PGM2: variants seen among roughly 807,000 people sequenced by gnomAD.
The protein encoded by PGM2 is phosphopentomutase.
PGM2 carries 57 observed loss-of-function variants against 74.6 expected under a neutral mutation model. That is an observed-to-expected ratio of 0.76 (90% CI 0.62 to 0.95). PGM2 has a LOEUF of 0.95. PGM2 is among the 40% of genes least tolerant of loss of function. PGM2 has a pLI of 0.00. For synonymous variants in PGM2, 273 were observed against 260.7 expected, an observed-to-expected ratio of 1.05 and a Z score of -0.46; for missense variants, 706 against 741.9, an observed-to-expected ratio of 0.95 and a Z score of 0.56.
chr4:37,857,377 G>A (rs1711560843), intron 13 of PGM2, among the ~76,000 whole-genome samples: 1 of 152,064 alleles, frequency 6.6e-6, no homozygotes, highest in East Asian at 1.9e-4. Context: ...AAATTCCTGA[G>A]CATCTTAAAT....
Position 37,826,690 on chromosome 4 carries a change from C to T in PGM2, c.-43C>T. On this transcript the variant is annotated 5_prime_UTR_variant, in exon 1 of 14. Coordinates refer to ENST00000381967, the MANE Select transcript of PGM2 (RefSeq NM_018290.4). ...CTTGGGGCCGGGCCGGAAGGCAGAT[C>T]TCACCGCCTGCTTCCCTCTGCAGCG... 6.8e-7 allele frequency: 1 copy of T among 1,474,352 alleles called. No homozygotes were observed. Among genetic ancestry groups the T allele is most frequent in the Non-Finnish European group, 9.3e-7 (1 of 1,077,714 alleles). The allele number at this position is 1,474,352 out of a possible 1,614,324, so 91.3% of individuals were successfully genotyped here.
chr4:37,850,112 T>C, intron 11 of PGM2, 72 bp from the exon 12 acceptor site: 1 of 828,406 alleles, frequency 1.2e-6, no homozygotes, highest in Non-Finnish European at 1.9e-6. Context: ...ATACACTGGT[T>C]GGTACATGTT....
At chr4:37,861,188 C>A (rs1711759008) in intron 13 of PGM2, among the ~76,000 whole-genome samples, 1 of 152,096 alleles carries the variant, frequency 6.6e-6, no homozygotes, top group South Asian at 2.1e-4. Context: ...CCCTTAGGTA[C>A]AAATATTACA....
At chr4:37,861,247 A>G (rs1294920421) in intron 13 of PGM2, among the ~76,000 whole-genome samples, 1 of 152,204 alleles carries the variant, frequency 6.6e-6, no homozygotes, top group Non-Finnish European at 1.5e-5. Flanking sequence ...ACAAAGTCTT[A>G]TGAGAAGAGC....
intron 4 of PGM2, chr4:37,839,493 T>C (rs1389029115): frequency 2.1e-6 from 1 of 465,262 alleles, no homozygotes; most frequent in Admixed American, 2.4e-5. Context: ...GGGAGTAAAC[T>C]GAATCCACAA....
intron 12 of PGM2, among the ~76,000 whole-genome samples, chr4:37,850,889 C>G (rs4832739): frequency 0.81 from 122,806 of 151,178 alleles, 50,150 homozygotes; most frequent in African/African-American, 0.9. Context: ...TACTCAGGAG[C>G]GTGAAGCAGG....
rs766805340 is a variant in PGM2 at position 37,850,386 on chromosome 4, T to C, written c.1602+13T>C. 37 of 1,445,488 alleles carry C rather than the reference T, an allele frequency of 2.6e-5. No homozygotes were observed. The African/African-American group carries it at 4.9e-4, about 19-fold the overall frequency. The allele number at this position is 1,445,488 out of a possible 1,614,324, so 89.5% of individuals were successfully genotyped here. A position where few individuals can be genotyped will look rare whatever the true frequency, so the allele number is the denominator to read the frequency against. On this transcript the variant is annotated intron_variant, in intron 12 of 13. Transcript: ENST00000381967. ...TGATAAAAAAGCTGTAAGTAATGTC[T>C]TCTCTTTTCAACTAACCTCTTTTCT... is the stretch of plus-strand genomic sequence containing the variant.
At chr4:37,844,640 A>C in intron 7 of PGM2, 87 bp downstream of exon 7, 1 of 868,662 alleles carries the variant, frequency 1.2e-6, no homozygotes, top group Non-Finnish European at 1.8e-6. Flanking sequence ...ATGTGTTTTC[A>C]TTGTGCTGAA....
rs34512739 is a variant in PGM2, at chr4:37,841,158, TTGTGTGTGTG to T, written c.719+920_719+929del. On this transcript the variant is annotated intron_variant, in intron 6 of 13. Coordinates refer to ENST00000381967, the MANE Select transcript of PGM2 (RefSeq NM_018290.4). ...ACTTCAAAACCATAAATAGGAATAT[TTGTGTGTGTG>T]TGTGTGTGTGTGTGTGTGTGGTTTG... 2.1e-4 allele frequency among the ~76,000 whole-genome samples: 21 copies of T among 101,476 alleles called. 1 individual carries two copies. The highest frequency in any genetic ancestry group is 3.5e-4 in the Non-Finnish European group (19 of 55,018). 66.6% of individuals were successfully genotyped at this position (101,476 alleles called of 152,430 possible). A position where few individuals can be genotyped will look rare whatever the true frequency, so the allele number is the denominator to read the frequency against.
intron 10 of PGM2, among the ~76,000 whole-genome samples, chr4:37,847,655 CTAA>C (rs906111784): frequency 1.9e-4 from 29 of 152,274 alleles, no homozygotes; most frequent in African/African-American, 6.5e-4. Context: ...TCCAAAAGTG[CTAA>C]TGAGGATCTA....
intron 6 of PGM2, among the ~76,000 whole-genome samples, chr4:37,842,252 T>A (rs1363038174): frequency 1.3e-5 from 2 of 150,704 alleles, no homozygotes; most frequent in African/African-American, 2.4e-5. Context: ...TGGAATTTTC[T>A]ATTGAAACTG....
intron 3 of PGM2, 125 bp from the exon 4 acceptor site, chr4:37,837,404 T>TG: frequency 1.4e-6 from 1 of 729,738 alleles, no homozygotes; most frequent in Non-Finnish European, 2.5e-6. Flanking sequence ...TTATAATAAA[T>TG]GCTGTCCTTG....
chr4:37,850,702 T>C (rs1726017103), intron 12 of PGM2, among the ~76,000 whole-genome samples: 1 of 151,298 alleles, frequency 6.6e-6, no homozygotes, highest in East Asian at 1.9e-4. Flanking sequence ...TGAAAGAGAC[T>C]CTACTAGGCT....
rs2303409 is a variant in PGM2 at position 37,845,318 on chromosome 4, A to C, written c.910-315A>C. ...TTGTTTTATTTGTGAGGCTGATCAC[A>C]CAGCAATGCCCCGAAATACCAGTCC... On this transcript the variant is annotated intron_variant, in intron 7 of 13. Coordinates refer to ENST00000381967, the MANE Select transcript of PGM2 (RefSeq NM_018290.4). Among the ~76,000 whole-genome samples the C allele has an allele frequency of 2.7e-3, 415 of 152,320 alleles. 10 individuals are homozygous for C. The East Asian group carries it at 0.047, about 17-fold the overall frequency.
At chr4:37,844,975 CAA>C (rs35469320) in intron 7 of PGM2, among the ~76,000 whole-genome samples, 161 of 94,300 alleles carry the variant, frequency 1.7e-3, no homozygotes, top group African/African-American at 4.2e-3. Context: ...GACTTTGTCT[CAA>C]AAAAAAAAAA....
chr4:37,847,166 T>C (rs1308008422), intron 9 of PGM2, 36 bp from the exon 10 acceptor site: 1 of 1,594,994 alleles, frequency 6.3e-7, no homozygotes, highest in Non-Finnish European at 8.6e-7. Context: ...GTAGAAGATC[T>C]AAGGCATGTC....
In PGM2 at chr4:37,841,719, C is replaced by T. The variant is rs547671221; in HGVS notation, c.719+1460C>T. 3.0e-4 allele frequency among the ~76,000 whole-genome samples: 46 copies of T among 152,246 alleles called. 1 individual carries two copies. The South Asian group carries it at 9.1e-3, about 30-fold the overall frequency. On this transcript the variant is annotated intron_variant, in intron 6 of 13. Transcript: ENST00000381967. ...AGACAAAATACGTCTGTGAACTTTCCCTCTGCCCCTCTGATTTAACTTCAC... is the reference window on the plus strand; with the variant it reads ...AGACAAAATACGTCTGTGAACTTTCTCTCTGCCCCTCTGATTTAACTTCAC...
Position 37,862,513 on chromosome 4 carries a change from A to T in PGM2, c.*901A>T, listed in dbSNP as rs954715872. 2.0e-5 allele frequency: 3 copies of T among 152,112 alleles called. No homozygotes were observed. Among genetic ancestry groups the T allele is most frequent in the Admixed American group, 6.6e-5 (1 of 15,240 alleles). 9.4% of individuals were successfully genotyped at this position (152,112 alleles called of 1,614,324 possible). Reference sequence around the variant, plus strand: ...ATTATGATAGATTTCCTATAAGCCAATTTCTAATAACAAATAGATTTATTA... The same window carrying T: ...ATTATGATAGATTTCCTATAAGCCATTTTCTAATAACAAATAGATTTATTA... On this transcript the variant is annotated 3_prime_UTR_variant, in exon 14 of 14. Coordinates refer to ENST00000381967, the MANE Select transcript of PGM2 (RefSeq NM_018290.4).
rs775151457 is a variant in PGM2 at position 37,844,414 on chromosome 4, G to T, written c.770G>T (p.Gly257Val). 3.7e-6 allele frequency: 6 copies of T among 1,613,766 alleles called. No individual in the cohort carries two copies. Among genetic ancestry groups the T allele is most frequent in the Non-Finnish European group, 5.1e-6 (6 of 1,179,714 alleles). ...AAGTTTGTGCACACCTCTGTCCATGGGGTGGGTCATAGCTTTGTGCAGTCA... is the reference window on the plus strand; with the variant it reads ...AAGTTTGTGCACACCTCTGTCCATGTGGTGGGTCATAGCTTTGTGCAGTCA... ...KVKFVHTSVH[G>V]VGHSFVQSAF... Residue 257 changes from glycine (G) to valine (V), a missense_variant, in exon 7 of 14, where the codon GGG (glycine) becomes GTG (valine). Coordinates refer to ENST00000381967, the MANE Select transcript of PGM2 (RefSeq NM_018290.4).
Sources: allele counts gnomAD v4.1 joint callset (sites outside exome capture counted in the v4.1 genomes callset), GRCh38; gene constraint gnomAD v4.1.1; transcripts MANE v1.5; gene names NCBI Gene and HGNC (gene_info 2026-07-23, HGNC 2026-07-21).